ADAM33: variants seen among roughly 807,000 people sequenced by gnomAD.
ADAM33 encodes disintegrin and metalloproteinase domain-containing protein 33.
Under a neutral mutation model 106.2 loss-of-function variants are expected in ADAM33, and 103 were observed. The observed-to-expected ratio is 0.97, with a 90% CI of 0.83 to 1.14. The LOEUF (loss-of-function observed/expected upper bound fraction) is 1.14. Ranked by LOEUF, ADAM33 falls within the 50% of genes most tolerant of loss-of-function variation. ADAM33 has a pLI of 0.00. For synonymous variants in ADAM33, 483 were observed against 453.0 expected (o/e 1.07, Z -0.84); for missense variants, 1,120 against 1,096.6 (o/e 1.02, Z -0.30).
At position 3,668,752 on chromosome 20, in the gene ADAM33, C is replaced by T. The variant is rs932368108; in HGVS notation, c.*211G>A. On this transcript the variant is annotated 3_prime_UTR_variant, in exon 22 of 22. Coordinates refer to ENST00000356518, the MANE Select transcript of ADAM33 (RefSeq NM_025220.5). ...GGTTTATTGAGCTGGAGAGTGTGCC[C>T]AGCAGTGTTCTCCAGCCCTCAGGAA... The T allele has an allele frequency of 1.6e-6, 1 of 618,344 alleles. No homozygotes were observed. The highest frequency in any genetic ancestry group is 1.8e-5 in the African/African-American group (1 of 54,562). 38.3% of individuals were successfully genotyped at this position (618,344 alleles called of 1,614,324 possible).
intron 2 of ADAM33, among the ~76,000 whole-genome samples, chr20:3,677,885 G>A (rs1600242686): frequency 6.6e-6 from 1 of 152,236 alleles, no homozygotes; most frequent in African/African-American, 2.4e-5. Context: ...CACTCAGCCT[G>A]GCTGGGGGCC....
At position 3,673,439 on chromosome 20, in the gene ADAM33, T is replaced by C. The variant is rs2087698401; in HGVS notation, c.1048A>G (p.Ser350Gly). 1.9e-6 allele frequency: 3 copies of C among 1,578,108 alleles called. No individual in the cohort carries two copies. The highest frequency in any genetic ancestry group is 2.6e-6 in the Non-Finnish European group (3 of 1,168,082). The change falls in exon 11 of 22, where the codon AGC becomes GGC. Residue 350 changes from serine to glycine, a missense_variant. Coordinates refer to ENST00000356518, the MANE Select transcript of ADAM33 (RefSeq NM_025220.5). ...AATMAHEIGH[S>G]LGLSHDPDGC... The stretch of plus-strand genomic sequence containing the variant: ...TCGGGGTCGTGGCTGAGGCCGAGGC[T>C]GTGGCCGATCTCATGGGCCATGGTG...
intron 3 of ADAM33, among the ~76,000 whole-genome samples, chr20:3,676,604 A>AT (rs1204797524): frequency 6.6e-5 from 10 of 151,426 alleles, no homozygotes; most frequent in African/African-American, 2.2e-4. Flanking sequence ...CGCCTGGCTA[A>AT]TTTTTTGTAT....
rs771143369 is a variant in ADAM33 at position 3,674,760 on chromosome 20, TC to T, written c.410+12del. 6.2e-7 allele frequency: 1 copy of T among 1,601,502 alleles called. No homozygotes were observed. The highest frequency in any genetic ancestry group is 8.5e-7 in the Non-Finnish European group (1 of 1,173,906). ...TCCCCATCCCAGGCCCAGCCTCCTC[TC>T]CCAGAGCTCACCTCATCCCAGAGCA... On this transcript the variant is annotated intron_variant, in intron 5 of 21. Transcript: ENST00000356518.
In ADAM33 at chr20:3,668,651, T is replaced by G; in HGVS notation, c.*312A>C. 2.4e-6 allele frequency: 1 copy of G among 421,600 alleles called. No individual in the cohort carries two copies. Among genetic ancestry groups the G allele is most frequent in the Non-Finnish European group, 4.4e-6 (1 of 225,660 alleles). 26.1% of individuals were successfully genotyped at this position (421,600 alleles called of 1,614,324 possible). A position where few individuals can be genotyped will look rare whatever the true frequency, so the allele number is the denominator to read the frequency against. On this transcript the variant is annotated 3_prime_UTR_variant, in exon 22 of 22. Coordinates refer to ENST00000356518, the MANE Select transcript of ADAM33 (RefSeq NM_025220.5). ...CCAGACTCCCAGGACAGAGCCCTTT[T>G]GGGATGGCCAGCACTACCCAGCCTC...
Position 3,675,166 on chromosome 20 carries a change from C to T in ADAM33, c.255-61G>A, listed in dbSNP as rs972627704. 1.3e-5 allele frequency: 17 copies of T among 1,317,532 alleles called. No homozygotes were observed. In the African/African-American group the frequency reaches 2.5e-4, roughly 19 times the overall value. The allele number at this position is 1,317,532 out of a possible 1,614,324, so 81.6% of individuals were successfully genotyped here. On this transcript the variant is annotated intron_variant, in intron 3 of 21. Transcript: ENST00000356518. This position sits in a 1 kb window ranked among gnomAD's most constrained non-coding sequence, Gnocchi z 4.1. ...CTTCCTCCTGCCTCCTCCAGGATGT[C>T]TCCCAGCCTTCCTCCCTAAATGCTA...
rs1485088429 is a variant in ADAM33, at chr20:3,671,913, T to G, written c.1670A>C (p.Gln557Pro). The G allele has an allele frequency of 6.4e-7, 1 of 1,554,852 alleles. No homozygotes were observed. Among genetic ancestry groups the G allele is most frequent in the Admixed American group, 2.0e-5 (1 of 51,262 alleles). ...SAGDAHGNCG[Q>P]DSEGHFLPCA... ...GGGCAGGAAGTGGCCCTCGCTGTCC[T>G]GGCCGCAGTTTCCATGAGCATCTCC... Residue 557 changes from glutamine (Q) to proline (P), a missense_variant, in exon 15 of 22, where the codon CAG becomes CCG. Coordinates refer to ENST00000356518, the MANE Select transcript of ADAM33 (RefSeq NM_025220.5).
At position 3,673,389 on chromosome 20, in the gene ADAM33, G is replaced by A; in HGVS notation, c.1098C>T (p.Ala366=). 1 of 1,543,736 alleles carries A rather than the reference G, an allele frequency of 6.5e-7. No homozygotes were observed. The highest frequency in any genetic ancestry group is 8.7e-7 in the Non-Finnish European group (1 of 1,151,524). ...CAGCCATGACGCAGCCTCCGGACTC[G>A]GCCGCAGCCTCCACGCAGCAGCCGT... ...DPDGCCVEAA[A]ESGGCVMAAA... is the part of the protein sequence containing the mutation. Residue 366 remains alanine, a synonymous_variant, in exon 11 of 22, where the codon GCC becomes GCT. Transcript: ENST00000356518.
In ADAM33 at chr20:3,671,969, G is replaced by C. The variant is rs746697180; in HGVS notation, c.1614C>G (p.Pro538=). 6.4e-7 allele frequency: 1 copy of C among 1,555,760 alleles called. No individual in the cohort carries two copies. Among genetic ancestry groups the C allele is most frequent in the Non-Finnish European group, 8.7e-7 (1 of 1,149,458 alleles). Residue 538 remains proline (P), a synonymous_variant, in exon 15 of 22, where the codon CCC becomes CCG. Coordinates refer to ENST00000356518, the MANE Select transcript of ADAM33 (RefSeq NM_025220.5). ...AGTTCACCACCTGGAAACAGGCCTC[G>C]GGAGCTGGGTGGGAGCCTGAGGAAG... ...QLWGPGSHPA[P]EACFQVVNSA... is the part of the protein sequence containing the mutation.
At position 3,674,938 on chromosome 20, in the gene ADAM33, G is replaced by A. The variant is rs546624662; in HGVS notation, c.333+89C>T. 159 of 1,606,772 alleles carry A rather than the reference G, an allele frequency of 9.9e-5. 2 individuals carry two copies. The South Asian group carries it at 1.5e-3, about 15-fold the overall frequency. On this transcript the variant is annotated intron_variant, in intron 4 of 21. Transcript: ENST00000356518. ...GGTGTGGTAGGGGCTGGCTCCAACCGCCCCTTAGGAATGCAAGGAGGAGTA... is the reference window on the plus strand; with the variant it reads ...GGTGTGGTAGGGGCTGGCTCCAACCACCCCTTAGGAATGCAAGGAGGAGTA...
chr20:3,673,871 A>G lies in ADAM33; in HGVS notation c.779T>C (p.Leu260Pro), dbSNP rs754712670. 7 of 1,565,392 alleles carry G rather than the reference A, an allele frequency of 4.5e-6. No homozygotes were observed. In the South Asian group the frequency reaches 5.8e-5, roughly 13 times the overall value. Residue 260 changes from leucine to proline, a missense_variant, in exon 9 of 22, where the codon CTG becomes CCG. Coordinates refer to ENST00000356518, the MANE Select transcript of ADAM33 (RefSeq NM_025220.5). Reference sequence around the variant, plus strand: ...GCGGTCCCGCTCGGTCCACACCTCCAGGCCGGTCAGCGCCACCTGAATGTC... The same window carrying G: ...GCGGTCCCGCTCGGTCCACACCTCCGGGCCGGTCAGCGCCACCTGAATGTC... ...TLDIQVALTGLEVWTERDRSR... is the reference protein window; with the variant it reads ...TLDIQVALTGPEVWTERDRSR...
intron 1 of ADAM33, among the ~76,000 whole-genome samples, chr20:3,681,279 G>C (rs1286636395): frequency 6.6e-6 from 1 of 152,224 alleles, no homozygotes; most frequent in Admixed American, 6.5e-5. Flanking sequence ...GACAGCTGCA[G>C]TCTTCCCAGA....
At chr20:3,681,543 C>T (rs2088494929) in intron 1 of ADAM33, among the ~76,000 whole-genome samples, 1 of 152,012 alleles carries the variant, frequency 6.6e-6, no homozygotes, top group African/African-American at 2.4e-5. Context: ...GCGGGTCACA[C>T]GGTGGCCTGC....
At chr20:3,680,205 G>C (rs1451179144) in intron 1 of ADAM33, among the ~76,000 whole-genome samples, 1 of 152,024 alleles carries the variant, frequency 6.6e-6, no homozygotes, top group East Asian at 1.9e-4. Context: ...GAATCCCAGA[G>C]CCAAGCATTA....
At position 3,671,659 on chromosome 20, in the gene ADAM33, G is replaced by T; in HGVS notation, c.1827C>A (p.Ala609=). 1 of 1,579,916 alleles carries T rather than the reference G, an allele frequency of 6.3e-7. No homozygotes were observed. Among genetic ancestry groups the T allele is most frequent in the Non-Finnish European group, 8.6e-7 (1 of 1,162,510 alleles). Residue 609 remains alanine, a synonymous_variant, in exon 16 of 22, where the codon GCC becomes GCA. Coordinates refer to ENST00000356518, the MANE Select transcript of ADAM33 (RefSeq NM_025220.5). ...CCAGCTGGGCACTGGGGAGTGCCAA[G>T]GCTCCCCGACAAGTCACTTCCTGGC... ...LDGQEVTCRG[A]LALPSAQLDL...
At chr20:3,673,051 AG>A in intron 11 of ADAM33, 153 bp from the exon 12 acceptor site, 1 of 1,437,932 alleles carries the variant, frequency 7.0e-7, no homozygotes. Flanking sequence ...CAAGCGGGAC[AG>A]GGGACGATGC....
chr20:3,670,925 C>T, intron 19 of ADAM33, 81 bp downstream of exon 19: 3 of 1,459,646 alleles, frequency 2.1e-6, no homozygotes, highest in Non-Finnish European at 2.7e-6. Context: ...TGAGGGCCTG[C>T]CCCAGCTCCC....
Position 3,675,998 on chromosome 20 carries a change from G to A in ADAM33, c.255-893C>T, listed in dbSNP as rs1392213617. Among the ~76,000 whole-genome samples, 1 of 152,104 alleles carries A rather than the reference G, an allele frequency of 6.6e-6. No individual in the cohort carries two copies. The highest frequency in any genetic ancestry group is 1.5e-5 in the Non-Finnish European group (1 of 68,018). On this transcript the variant is annotated intron_variant, in intron 3 of 21. Coordinates refer to ENST00000356518, the MANE Select transcript of ADAM33 (RefSeq NM_025220.5). This position sits in a 1 kb window ranked among gnomAD's most constrained non-coding sequence, Gnocchi z 4.1. Reference sequence around the variant, plus strand: ...AGGGTAGGGACGTCGGGAAAATATGGTTGGGCACAGTGGAACTAGAGTTTG... The same window carrying A: ...AGGGTAGGGACGTCGGGAAAATATGATTGGGCACAGTGGAACTAGAGTTTG...
In ADAM33 at chr20:3,671,963, G is replaced by A. The variant is rs1406873278; in HGVS notation, c.1620C>T (p.Ala540=). 1.3e-6 allele frequency: 2 copies of A among 1,555,760 alleles called. No homozygotes were observed. Among genetic ancestry groups the A allele is most frequent in the East Asian group, 2.4e-5 (1 of 41,466 alleles). The part of the protein sequence containing the change: ...WGPGSHPAPE[A]CFQVVNSAGD... ...CCGCAGAGTTCACCACCTGGAAACA[G>A]GCCTCGGGAGCTGGGTGGGAGCCTG... Residue 540 remains alanine, a synonymous_variant, in exon 15 of 22, where the codon GCC becomes GCT. Transcript: ENST00000356518.
Sources: allele counts gnomAD v4.1 joint callset (sites outside exome capture counted in the v4.1 genomes callset), GRCh38; gene constraint gnomAD v4.1.1; non-coding constraint Gnocchi (gnomAD v3.1); transcripts MANE v1.5; gene names NCBI Gene and HGNC (gene_info 2026-07-23, HGNC 2026-07-21).